Variants in YLPM1 observed in about 807,000 individuals in gnomAD.
The protein encoded by YLPM1 is YLP motif containing 1.
In YLPM1, 99 loss-of-function variants were observed where a neutral mutation model predicts 230.0. That is an observed-to-expected ratio of 0.43 (90% CI 0.37 to 0.51). YLPM1 has a LOEUF of 0.51. Among genes scored for constraint, YLPM1 ranks in the 20% least tolerant of loss-of-function variants. YLPM1 has a pLI of 0.00. For missense variants in YLPM1, 2,592 were observed against 2,707.7 expected (o/e 0.96, Z 0.95); for synonymous variants, 984 against 942.5 (o/e 1.04, Z -0.81).
chr14:74,791,965 A>G (rs1196894505), intron 4 of YLPM1, among the ~76,000 whole-genome samples: 1 of 152,230 alleles, frequency 6.6e-6, no homozygotes, highest in Non-Finnish European at 1.5e-5. Flanking sequence ...TGTGGAAGAT[A>G]GTCTTCTTTT....
chr14:74,818,293 G>C lies in YLPM1; in HGVS notation c.6009G>C (p.Leu2003=). Residue 2003 remains leucine, a synonymous_variant, in exon 16 of 21, where the codon CTG becomes CTC. Coordinates refer to ENST00000325680, the MANE Select transcript of YLPM1 (RefSeq NM_019589.3). ...HMMRLDIRSL[L]QDAAIEEVEM... is the part of the protein sequence containing the mutation. ...TGCGTCTAGATATTCGTTCTTTGCT[G>C]CAAGATGCTGCTATTGAAGAGGTGA... 6.2e-7 allele frequency: 1 copy of C among 1,602,452 alleles called. No homozygotes were observed. Among genetic ancestry groups the C allele is most frequent in the Non-Finnish European group, 8.5e-7 (1 of 1,174,606 alleles).
Position 74,798,214 on chromosome 14 carries a change from ACAT to A in YLPM1, c.2924_2926del (p.Ser975del). 6.2e-7 allele frequency: 1 copy of A among 1,614,008 alleles called. No homozygotes were observed. The highest frequency in any genetic ancestry group is 8.5e-7 in the Non-Finnish European group (1 of 1,179,896). ...GATGGAGGGAGGAACAGCAGTAGCA[ACAT>A]CATCATTAACAGCAGATAATGATTT... is the stretch of plus-strand genomic sequence containing the variant. On this transcript the variant is annotated inframe_deletion, in exon 5 of 21. Coordinates refer to ENST00000325680, the MANE Select transcript of YLPM1 (RefSeq NM_019589.3).
rs1444713078 is a variant in YLPM1, at chr14:74,829,270, C to G, written c.6221C>G (p.Ala2074Gly). The change falls in exon 19 of 21, where the codon GCC becomes GGC. Residue 2074 changes from alanine (A) to glycine (G), a missense_variant. Ala to Gly is a moderately conservative substitution (Grantham distance 60, BLOSUM62 0). Around this residue, in one of 4 missense-constraint regions of YLPM1, gnomAD observed 315 missense variants for 429.3 expected, o/e 0.73. Transcript: ENST00000325680. ...AGGAAACGTGACTGGGAGGCCATTG[C>G]CAGCAGAATGGAGGATTATCTTCAG... ...TKRKRDWEAI[A>G]SRMEDYLQLP... The G allele has an allele frequency of 6.2e-7, 1 of 1,613,104 alleles. No individual in the cohort carries two copies. Among genetic ancestry groups the G allele is most frequent in the East Asian group, 2.2e-5 (1 of 44,876 alleles).
chr14:74,809,679 A>G lies in YLPM1; in HGVS notation c.4821A>G (p.Val1607=), dbSNP rs2091414953. 4.3e-6 allele frequency: 7 copies of G among 1,613,916 alleles called. No homozygotes were observed. In the African/African-American group the frequency reaches 5.3e-5, roughly 12 times the overall value. The change falls in exon 7 of 21, where the codon GTA becomes GTG. Residue 1607 remains valine (V), a synonymous_variant. Transcript: ENST00000325680. The part of the protein sequence containing the change: ...SETAAIPSAP[V]LPPPPVHSSI... ...CTGCAGCAATTCCATCTGCTCCAGT[A>G]TTACCACCCCCACCTGTTCACTCTT...
rs763699492 is a variant in YLPM1 at position 74,781,821 on chromosome 14, C to A, written c.1778C>A (p.Pro593Gln). Reference sequence around the variant, plus strand: ...GCAGGGCCACCACCAGTTCTCCCCCCACCTTCCCTGTCTTCTGCAGGGCCA... The same window carrying A: ...GCAGGGCCACCACCAGTTCTCCCCCAACCTTCCCTGTCTTCTGCAGGGCCA... ...SSAGPPPVLPPPSLSSAGPPP... is the reference protein window; with the variant it reads ...SSAGPPPVLPQPSLSSAGPPP... Residue 593 changes from proline to glutamine, a missense_variant, in exon 4 of 21, where the codon CCA becomes CAA. Transcript: ENST00000325680. The A allele has an allele frequency of 1.4e-4, 218 of 1,612,324 alleles. No homozygotes were observed. The highest frequency in any genetic ancestry group is 1.7e-4 in the Non-Finnish European group (201 of 1,179,170).
chr14:74,788,337 G>T (rs1594818924), intron 4 of YLPM1, among the ~76,000 whole-genome samples: 1 of 152,108 alleles, frequency 6.6e-6, no homozygotes, highest in Non-Finnish European at 1.5e-5. Flanking sequence ...AGCCAGGATG[G>T]TCTCGATCTC....
chr14:74,829,449 T>C (rs1311558878), intron 19 of YLPM1, 106 bp downstream of exon 19: 1 of 1,475,788 alleles, frequency 6.8e-7, no homozygotes, highest in African/African-American at 1.4e-5. Context: ...TTTAGAATGA[T>C]TTAGTTTACG....
intron 5 of YLPM1, among the ~76,000 whole-genome samples, chr14:74,800,948 C>G (rs954680524): frequency 6.6e-6 from 1 of 152,138 alleles, no homozygotes; most frequent in Non-Finnish European, 1.5e-5. Context: ...CACTAAAGTT[C>G]AAAGAGGTTA....
intron 5 of YLPM1, among the ~76,000 whole-genome samples, chr14:74,801,991 C>T (rs1002854812): frequency 1.3e-5 from 2 of 151,218 alleles, no homozygotes; most frequent in East Asian, 1.9e-4. Context: ...CTGAGGCAGG[C>T]GGATCATGAG....
chr14:74,818,429 C>T lies in YLPM1; in HGVS notation c.6030+115C>T, dbSNP rs570486946. 1.8e-5 allele frequency: 13 copies of T among 717,494 alleles called. No homozygotes were observed. The South Asian group carries it at 2.9e-4, about 16-fold the overall frequency. The allele number at this position is 717,494 out of a possible 1,614,324, so 44.4% of individuals were successfully genotyped here. A position where few individuals can be genotyped will look rare whatever the true frequency, so the allele number is the denominator to read the frequency against. Reference sequence around the variant, plus strand: ...TATGAATAGTATTCATACAAGAACACCTACTGATATGCCTTTCATTGAGAT... The same window carrying T: ...TATGAATAGTATTCATACAAGAACATCTACTGATATGCCTTTCATTGAGAT... On this transcript the variant is annotated intron_variant, in intron 16 of 20. Transcript: ENST00000325680.
At position 74,835,467 on chromosome 14, in the gene YLPM1, T is replaced by TA. The variant is rs1209321352; in HGVS notation, c.*36+23dup. ...TCTAAGGTAAGAGTACACAGTCATA[T>TA]AAATAGCCTACTGTGTGGTTGCTTC... is the stretch of plus-strand genomic sequence containing the variant. On this transcript the variant is annotated intron_variant, in intron 20 of 20. Transcript: ENST00000325680. The TA allele has an allele frequency of 1.3e-6, 2 of 1,586,156 alleles. No individual in the cohort carries two copies. Among genetic ancestry groups the TA allele is most frequent in the Non-Finnish European group, 1.7e-6 (2 of 1,166,254 alleles).
intron 6 of YLPM1, among the ~76,000 whole-genome samples, chr14:74,807,725 C>CA (rs2091393490): frequency 6.6e-6 from 1 of 152,144 alleles, no homozygotes. Context: ...TTTGTTGTTT[C>CA]ATAGTACTCA....
At chr14:74,808,628 C>T (rs2091401881) in intron 6 of YLPM1, among the ~76,000 whole-genome samples, 1 of 151,896 alleles carries the variant, frequency 6.6e-6, no homozygotes. Flanking sequence ...CATAGTGAAA[C>T]CCCATCTCTA....
chr14:74,827,859 G>A (rs973831698), intron 18 of YLPM1: 22 of 985,134 alleles, frequency 2.2e-5, no homozygotes, highest in African/African-American at 3.5e-5. Context: ...AATACGGCCC[G>A]TCATATACAC....
chr14:74,772,842 A>G (rs946982309), intron 1 of YLPM1, among the ~76,000 whole-genome samples: 1 of 152,228 alleles, frequency 6.6e-6, no homozygotes, highest in Non-Finnish European at 1.5e-5. Context: ...TTTCTAAAAT[A>G]GGGATGATCA....
intron 6 of YLPM1, among the ~76,000 whole-genome samples, chr14:74,807,229 C>CAAA (rs2091388762): frequency 6.6e-6 from 1 of 151,994 alleles, no homozygotes; most frequent in Admixed American, 6.5e-5. Flanking sequence ...ATATTGTGGG[C>CAAA]TCTCCAGGAT....
intron 19 of YLPM1, among the ~76,000 whole-genome samples, chr14:74,832,321 A>G (rs936504918): frequency 6.6e-6 from 1 of 152,212 alleles, no homozygotes; most frequent in Non-Finnish European, 1.5e-5. Flanking sequence ...TACGAAGTCT[A>G]TGAATGAGTC....
intron 1 of YLPM1, among the ~76,000 whole-genome samples, chr14:74,773,311 C>T (rs2090998157): frequency 6.6e-6 from 1 of 152,060 alleles, no homozygotes; most frequent in African/African-American, 2.4e-5. Context: ...GAGAAATTGA[C>T]CTACAAGGCA....
chr14:74,819,557 G>C (rs561668542), intron 16 of YLPM1, among the ~76,000 whole-genome samples: 2 of 152,196 alleles, frequency 1.3e-5, no homozygotes, highest in African/African-American at 4.8e-5. Flanking sequence ...TTACAGACGT[G>C]AGCCACCATG....
Sources: gnomAD v4.1 joint callset for allele counts (sites outside exome capture counted in the v4.1 genomes callset) on GRCh38, gnomAD v4.1.1 for gene constraint, gnomAD v4.1.1 regional missense constraint, MANE v1.5 for transcripts, NCBI Gene and HGNC (gene_info 2026-07-23, HGNC 2026-07-21) for gene names.